Variants in CAMK4 observed in about 807,000 individuals in gnomAD.
CAMK4 encodes calcium/calmodulin dependent protein kinase IV.
Under a neutral mutation model 44.9 loss-of-function variants are expected in CAMK4, and 22 were observed. That is an observed-to-expected ratio of 0.49 (90% CI 0.35 to 0.70). The LOEUF (loss-of-function observed/expected upper bound fraction) is 0.70, where lower values mean the gene tolerates loss of function less well. Ranked by LOEUF, CAMK4 falls within the 30% of genes least tolerant of loss-of-function variation. The pLI, the probability that CAMK4 is intolerant of heterozygous loss-of-function variation, is 0.01. For synonymous variants in CAMK4, 218 were observed against 215.4 expected, an observed-to-expected ratio of 1.01 and a Z score of -0.11; for missense variants, 498 against 586.8, an observed-to-expected ratio of 0.85 and a Z score of 1.56.
chr5:111,422,964 C>T (rs1336770315), intron 5 of CAMK4, among the ~76,000 whole-genome samples: 1 of 152,090 alleles, frequency 6.6e-6, no homozygotes, highest in African/African-American at 2.4e-5. Flanking sequence ...TCATTCTTTT[C>T]CTCTACCATC....
intron 4 of CAMK4, among the ~76,000 whole-genome samples, chr5:111,383,902 A>G (rs1205315583): frequency 1.3e-5 from 2 of 152,190 alleles, no homozygotes; most frequent in East Asian, 3.9e-4. Context: ...CAGACATGGA[A>G]GACTATATAT....
At chr5:111,480,181 A>G (rs144420056) in intron 9 of CAMK4, among the ~76,000 whole-genome samples, 216 of 150,446 alleles carry the variant, frequency 1.4e-3, no homozygotes, top group Admixed American at 3.2e-3. Flanking sequence ...GGATATTGCC[A>G]TGGCTCTTCT....
rs1206761138 is a variant in CAMK4, at chr5:111,333,799, A to G, written c.162-10225A>G. 2.6e-5 allele frequency among the ~76,000 whole-genome samples: 4 copies of G among 151,744 alleles called. 1 individual carries two copies. In the South Asian group the frequency reaches 8.3e-4, roughly 31 times the overall value. ...TAATAATTCATAGTTTGAGTTGATC[A>G]GAGTTGAAGAGTTAATAGTTAGTTG... On this transcript the variant is annotated intron_variant, in intron 1 of 10. Coordinates refer to ENST00000282356, the MANE Select transcript of CAMK4 (RefSeq NM_001744.6).
chr5:111,456,971 A>G (rs1043159299), intron 7 of CAMK4, among the ~76,000 whole-genome samples: 4 of 152,208 alleles, frequency 2.6e-5, no homozygotes, highest in African/African-American at 9.6e-5. Flanking sequence ...GCTGAAGTTC[A>G]CTGAGTCAGT....
chr5:111,362,992 C>G (rs138574884), intron 2 of CAMK4, among the ~76,000 whole-genome samples: 6 of 152,154 alleles, frequency 3.9e-5, no homozygotes, highest in East Asian at 3.9e-4. Context: ...ATGGAACACT[C>G]AAATTAAACG....
intron 5 of CAMK4, among the ~76,000 whole-genome samples, chr5:111,415,501 A>G (rs1057397091): frequency 1.4e-4 from 22 of 152,376 alleles, no homozygotes; most frequent in Admixed American, 5.2e-4. Context: ...GAAAGAAATT[A>G]TATGCTAAGG....
intron 2 of CAMK4, among the ~76,000 whole-genome samples, chr5:111,369,447 A>G (rs967323427): frequency 8.5e-5 from 13 of 152,178 alleles, no homozygotes; most frequent in Non-Finnish European, 1.8e-4. Context: ...TAAATTTACT[A>G]ATTTTTAAAA....
intron 7 of CAMK4, among the ~76,000 whole-genome samples, chr5:111,468,944 C>G (rs1024931753): frequency 6.6e-6 from 1 of 151,534 alleles, no homozygotes; most frequent in Non-Finnish European, 1.5e-5. Context: ...TGCCGCTGTA[C>G]TCCAGCCTGG....
At chr5:111,307,253 T>C (rs1470176278) in intron 1 of CAMK4, among the ~76,000 whole-genome samples, 8 of 16,328 alleles carry the variant, frequency 4.9e-4, no homozygotes, top group South Asian at 4.9e-3. Flanking sequence ...ACAAATGGGA[T>C]CTAATTAAAC....
At chr5:111,476,512 C>A (rs1755250115) in intron 8 of CAMK4, among the ~76,000 whole-genome samples, 3 of 152,008 alleles carry the variant, frequency 2.0e-5, no homozygotes, top group Admixed American at 1.3e-4. Flanking sequence ...CTCCTGACCT[C>A]CTGTTCCACC....
rs573659091 is a variant in CAMK4 at position 111,470,901 on chromosome 5, G to A, written c.626-2410G>A. The stretch of plus-strand genomic sequence containing the variant: ...CTCAAAACAGTCTCATATGAAACAC[G>A]TTATTTTTCTTTGGCCCTCCAGAAA... On this transcript the variant is annotated intron_variant, in intron 7 of 10. Coordinates refer to ENST00000282356, the MANE Select transcript of CAMK4 (RefSeq NM_001744.6). Among the ~76,000 whole-genome samples, 15 of 152,300 alleles carry A rather than the reference G, an allele frequency of 9.8e-5. No homozygotes were observed. In the South Asian group the frequency reaches 1.2e-3, roughly 13 times the overall value.
intron 6 of CAMK4, among the ~76,000 whole-genome samples, chr5:111,448,417 A>G (rs1754104593): frequency 6.6e-6 from 1 of 152,230 alleles, no homozygotes; most frequent in Non-Finnish European, 1.5e-5. Flanking sequence ...TCTGGATTAT[A>G]TCATTAATTC....
At chr5:111,396,258 T>C (rs1752002296) in intron 5 of CAMK4, among the ~76,000 whole-genome samples, 1 of 152,220 alleles carries the variant, frequency 6.6e-6, no homozygotes, top group African/African-American at 2.4e-5. Flanking sequence ...AAAAGTGTTT[T>C]GATCTTTTTG....
At chr5:111,342,631 A>G (rs1232371401) in intron 1 of CAMK4, among the ~76,000 whole-genome samples, 1 of 151,466 alleles carries the variant, frequency 6.6e-6, no homozygotes, top group African/African-American at 2.4e-5. Flanking sequence ...TAATGTAATT[A>G]TATGATTAGA....
At chr5:111,461,501 A>G (rs139986924) in intron 7 of CAMK4, among the ~76,000 whole-genome samples, 20 of 152,334 alleles carry the variant, frequency 1.3e-4, no homozygotes, top group African/African-American at 4.6e-4. Context: ...CGCACAAAGT[A>G]CAGATGCTGA....
intron 4 of CAMK4, among the ~76,000 whole-genome samples, chr5:111,392,925 G>A (rs1179107802): frequency 6.6e-6 from 1 of 152,066 alleles, no homozygotes; most frequent in African/African-American, 2.4e-5. Flanking sequence ...ACTGACCCAG[G>A]AAGAGCTAGA....
At chr5:111,413,083 A>G (rs1032138173) in intron 5 of CAMK4, among the ~76,000 whole-genome samples, 2 of 152,156 alleles carry the variant, frequency 1.3e-5, no homozygotes, top group Admixed American at 1.3e-4. Flanking sequence ...TTTCCTCGGT[A>G]AAGCCAAGAA....
intron 5 of CAMK4, among the ~76,000 whole-genome samples, chr5:111,399,721 T>G (rs1269774987): frequency 6.6e-6 from 1 of 152,240 alleles, no homozygotes; most frequent in Non-Finnish European, 1.5e-5. Flanking sequence ...TAACTTACTT[T>G]TGTGAATGAG....
intron 5 of CAMK4, among the ~76,000 whole-genome samples, chr5:111,412,997 A>G (rs1752683158): frequency 1.3e-5 from 2 of 152,188 alleles, no homozygotes; most frequent in South Asian, 2.1e-4. Flanking sequence ...TTCAAGAAGC[A>G]GTAATTCTTG....
Sources: allele counts gnomAD v4.1 joint callset (sites outside exome capture counted in the v4.1 genomes callset), GRCh38; gene constraint gnomAD v4.1.1; transcripts MANE v1.5; gene names NCBI Gene and HGNC (gene_info 2026-07-23, HGNC 2026-07-21).